Variants in TNFSF13B observed in about 807,000 individuals in gnomAD.
TNFSF13B encodes the protein TNF superfamily member 13b.
A neutral mutation model predicts 29.1 loss-of-function variants in TNFSF13B; 8 were observed. The observed-to-expected ratio is 0.27, with a 90% CI of 0.16 to 0.50. The LOEUF (loss-of-function observed/expected upper bound fraction) is 0.50. Among genes scored for constraint, TNFSF13B ranks in the 20% least tolerant of loss-of-function variants. TNFSF13B has a pLI of 0.98. For synonymous variants in TNFSF13B, 125 were observed against 130.8 expected (o/e 0.96, Z 0.30); for missense variants, 248 against 334.9 (o/e 0.74, Z 2.03).
In TNFSF13B at chr13:108,307,131, A is replaced by C; in HGVS notation, c.*193A>C. 1 of 496,398 alleles carries C rather than the reference A, an allele frequency of 2.0e-6. No homozygotes were observed. The highest frequency in any genetic ancestry group is 3.5e-6 in the Non-Finnish European group (1 of 287,074). The allele number at this position is 496,398 out of a possible 1,614,324, so 30.7% of individuals were successfully genotyped here. ...AACAGGAAATTTAACAGACAGCCAC[A>C]GCCAAAGAGTGTCATGTGAATTACA... On this transcript the variant is annotated 3_prime_UTR_variant, in exon 6 of 6. Transcript: ENST00000375887.
intron 3 of TNFSF13B, among the ~76,000 whole-genome samples, chr13:108,298,002 G>A (rs1881502462): frequency 6.8e-6 from 1 of 146,000 alleles, no homozygotes; most frequent in African/African-American, 2.6e-5. Context: ...CCTGGAAATG[G>A]CATTTTTTAA....
intron 3 of TNFSF13B, among the ~76,000 whole-genome samples, chr13:108,290,152 A>G (rs1881263846): frequency 1.3e-5 from 2 of 152,186 alleles, no homozygotes; most frequent in Admixed American, 6.5e-5. Context: ...TGATTTGAAA[A>G]TGAGATTATA....
intron 2 of TNFSF13B, among the ~76,000 whole-genome samples, chr13:108,280,237 C>T (rs191550271): frequency 6.6e-5 from 10 of 152,174 alleles, no homozygotes; most frequent in Admixed American, 2.0e-4. Flanking sequence ...ATTGAGAAGG[C>T]AGAAATCAGG....
chr13:108,298,854 G>A lies in TNFSF13B; in HGVS notation c.482-4399G>A, dbSNP rs147169330. Among the ~76,000 whole-genome samples, 79 of 144,990 alleles carry A rather than the reference G, an allele frequency of 5.4e-4. 13 individuals are homozygous for A. The highest frequency in any genetic ancestry group is 1.9e-3 in the African/African-American group (75 of 38,558). On this transcript the variant is annotated intron_variant, in intron 3 of 5. Coordinates refer to ENST00000375887, the MANE Select transcript of TNFSF13B (RefSeq NM_006573.5). ...GGCGTAGTGGCACTTGCCTGTAGTC[G>A]CAGCTACTCGGGAGGCTGAGGCAGG...
In TNFSF13B at chr13:108,288,214, A is replaced by G. The variant is rs557197724; in HGVS notation, c.481+1355A>G. On this transcript the variant is annotated intron_variant, in intron 3 of 5. Coordinates refer to ENST00000375887, the MANE Select transcript of TNFSF13B (RefSeq NM_006573.5). Reference sequence around the variant, plus strand: ...ACTAGTGAACAAAAATGTACTAAAAAAGAACCATTCGTTCACTCACACATT... The same window carrying G: ...ACTAGTGAACAAAAATGTACTAAAAGAGAACCATTCGTTCACTCACACATT... Among the ~76,000 whole-genome samples, 7 of 152,344 alleles carry G rather than the reference A, an allele frequency of 4.6e-5. No homozygotes were observed. The South Asian group carries it at 1.0e-3, about 23-fold the overall frequency.
intron 2 of TNFSF13B, among the ~76,000 whole-genome samples, chr13:108,280,457 A>G (rs1401646420): frequency 6.6e-6 from 1 of 152,164 alleles, no homozygotes; most frequent in African/African-American, 2.4e-5. Flanking sequence ...CATACATTCA[A>G]CTGTTTTTCT....
chr13:108,292,691 C>A (rs1594528784), intron 3 of TNFSF13B, among the ~76,000 whole-genome samples: 1 of 152,208 alleles, frequency 6.6e-6, no homozygotes, highest in South Asian at 2.1e-4. Context: ...TGATGTTGAG[C>A]ATCTTTTCAT....
At position 108,308,079 on chromosome 13, in the gene TNFSF13B, C is replaced by A. The variant is rs1173292960; in HGVS notation, c.*1141C>A. 6.6e-6 allele frequency: 1 copy of A among 151,846 alleles called. No individual in the cohort carries two copies. The highest frequency in any genetic ancestry group is 1.5e-5 in the Non-Finnish European group (1 of 67,936). 9.4% of individuals were successfully genotyped at this position (151,846 alleles called of 1,614,324 possible). On this transcript the variant is annotated 3_prime_UTR_variant, in exon 6 of 6. Coordinates refer to ENST00000375887, the MANE Select transcript of TNFSF13B (RefSeq NM_006573.5). ...AACATGTTTCCTTCGCTTTGCTTGT[C>A]TTTTATGTCATCAGTTTTAACTGTT...
chr13:108,297,483 C>T (rs996269244), intron 3 of TNFSF13B, among the ~76,000 whole-genome samples: 2 of 145,370 alleles, frequency 1.4e-5, no homozygotes, highest in African/African-American at 5.2e-5. Flanking sequence ...ACATTCATGA[C>T]TTTCTTCAGC....
At chr13:108,284,589 ACT>A (rs1881069724) in intron 2 of TNFSF13B, among the ~76,000 whole-genome samples, 1 of 152,208 alleles carries the variant, frequency 6.6e-6, no homozygotes, top group Admixed American at 6.5e-5. Context: ...GGTGTTATGC[ACT>A]GAGTATAGCG....
rs895004976 is a variant in TNFSF13B, at chr13:108,308,125, A to G, written c.*1187A>G. 22 of 152,090 alleles carry G rather than the reference A, an allele frequency of 1.4e-4. No individual in the cohort carries two copies. The highest frequency in any genetic ancestry group is 5.3e-4 in the African/African-American group (22 of 41,432). 9.4% of individuals were successfully genotyped at this position (152,090 alleles called of 1,614,324 possible). On this transcript the variant is annotated 3_prime_UTR_variant, in exon 6 of 6. Coordinates refer to ENST00000375887, the MANE Select transcript of TNFSF13B (RefSeq NM_006573.5). ...CTGTTTACTTCATTTAACAGTTTAC[A>G]TCATTCAACAGTTTACTTCATTAAA... is the stretch of plus-strand genomic sequence containing the variant.
chr13:108,269,748 G>A lies in TNFSF13B; in HGVS notation c.-148G>A. On this transcript the variant is annotated 5_prime_UTR_variant, in exon 1 of 6. Transcript: ENST00000375887. ...TAGAGATGCAGAAAGGCAGAAAGGA[G>A]AAAATTCAGGATAACTCTCCTGAGG... 2.7e-6 allele frequency: 2 copies of A among 736,508 alleles called. No homozygotes were observed. Among genetic ancestry groups the A allele is most frequent in the Non-Finnish European group, 2.2e-6 (1 of 449,896 alleles). The allele number at this position is 736,508 out of a possible 1,614,324, so 45.6% of individuals were successfully genotyped here. A position where few individuals can be genotyped will look rare whatever the true frequency, so the allele number is the denominator to read the frequency against.
intron 2 of TNFSF13B, among the ~76,000 whole-genome samples, chr13:108,282,334 G>A (rs991067886): frequency 6.6e-6 from 1 of 152,192 alleles, no homozygotes; most frequent in South Asian, 2.1e-4. Context: ...ATTTAGCTTT[G>A]TTGAAATAAT....
intron 2 of TNFSF13B, among the ~76,000 whole-genome samples, chr13:108,272,684 CT>C (rs200518291): frequency 1.1e-4 from 16 of 151,512 alleles, no homozygotes; most frequent in African/African-American, 2.9e-4. Flanking sequence ...ATTTGAGACT[CT>C]TTTTTTTAAT....
At chr13:108,289,694 T>C (rs1231638826) in intron 3 of TNFSF13B, among the ~76,000 whole-genome samples, 4 of 150,816 alleles carry the variant, frequency 2.7e-5, no homozygotes. Flanking sequence ...ATACATAACA[T>C]CAGGTCTTGA....
At chr13:108,287,717 T>A (rs1012777944) in intron 3 of TNFSF13B, among the ~76,000 whole-genome samples, 3 of 152,214 alleles carry the variant, frequency 2.0e-5, no homozygotes, top group Non-Finnish European at 2.9e-5. Flanking sequence ...TCTGTATTTT[T>A]AAAATAAATT....
chr13:108,306,777 T>C (rs747924816), intron 5 of TNFSF13B, 49 bp from the exon 6 acceptor site: 1 of 1,115,616 alleles, frequency 9.0e-7, no homozygotes, highest in Non-Finnish European at 1.3e-6. Flanking sequence ...GATTCTTTTC[T>C]TTTCTGTTGT....
chr13:108,270,191 A>G lies in TNFSF13B; in HGVS notation c.296A>G (p.Lys99Arg), dbSNP rs1212468259. The stretch of plus-strand genomic sequence containing the variant: ...CTGCCAGCAGGAGCAGGAGCCCCCA[A>G]GGCCGGCCTGGAGGAAGCTCCAGCT... ...EKLPAGAGAP[K>R]AGLEEAPAVT... Residue 99 changes from lysine to arginine, a missense_variant, in exon 1 of 6, where the codon AAG (lysine) becomes AGG (arginine). Lys to Arg is a conservative substitution (Grantham distance 26). Coordinates refer to ENST00000375887, the MANE Select transcript of TNFSF13B (RefSeq NM_006573.5). 5 of 1,602,210 alleles carry G rather than the reference A, an allele frequency of 3.1e-6. No homozygotes were observed. The highest frequency in any genetic ancestry group is 3.3e-5 in the Admixed American group (2 of 59,828).
chr13:108,300,194 TA>T (rs1307345887), intron 3 of TNFSF13B, among the ~76,000 whole-genome samples: 9 of 152,154 alleles, frequency 5.9e-5, no homozygotes, highest in South Asian at 2.1e-4. Context: ...AAAATGCTTT[TA>T]AAAAAACAAT....
Sources: allele counts gnomAD v4.1 joint callset (sites outside exome capture counted in the v4.1 genomes callset), GRCh38; gene constraint gnomAD v4.1.1; transcripts MANE v1.5; gene names NCBI Gene and HGNC (gene_info 2026-07-23, HGNC 2026-07-21).